SNRPN: variants seen among roughly 807,000 people sequenced by gnomAD.
The protein encoded by SNRPN is small nuclear ribonucleoprotein-associated protein N.
In SNRPN, 7 loss-of-function variants were observed where a neutral mutation model predicts 25.2. That is an observed-to-expected ratio of 0.28 (90% CI 0.16 to 0.52). SNRPN has a LOEUF of 0.52. Among genes scored for constraint, SNRPN ranks in the 20% least tolerant of loss-of-function variants. The pLI, the probability that SNRPN is intolerant of heterozygous loss-of-function variation, is 0.96. For synonymous variants in SNRPN, 124 were observed against 110.6 expected (o/e 1.12, Z -0.76); for missense variants, 196 against 322.5 (o/e 0.61, Z 3.00).
At chr15:24,898,355 C>T (rs1003570290) in intron 2 of SNRPN, among the ~76,000 whole-genome samples, 9 of 152,132 alleles carry the variant, frequency 5.9e-5, no homozygotes, top group Middle Eastern at 3.4e-3. Flanking sequence ...TTTGGGAGGC[C>T]GAGGCAGGCG....
At chr15:24,955,600 G>A (rs1161669252) in intron 1 of SNRPN, among the ~76,000 whole-genome samples, 1 of 147,514 alleles carries the variant, frequency 6.8e-6, no homozygotes, top group Non-Finnish European at 1.5e-5. Flanking sequence ...TACGTGGGGC[G>A]ACTGGGGGGG....
upstream of SNRPN, among the ~76,000 whole-genome samples, chr15:24,953,442 G>C (rs1043134050): frequency 2.6e-5 from 4 of 152,152 alleles, no homozygotes; most frequent in African/African-American, 9.7e-5. Flanking sequence ...TCCTGCCTCA[G>C]CCTCCCGAGT....
At chr15:24,913,359 A>C (rs2059329661) in intron 2 of SNRPN, among the ~76,000 whole-genome samples, 1 of 151,404 alleles carries the variant, frequency 6.6e-6, no homozygotes, top group Admixed American at 6.6e-5. Context: ...AAAGAGTATA[A>C]GGGCTGGGCA....
chr15:24,841,482 A>G (rs956120578), intron 2 of SNRPN, among the ~76,000 whole-genome samples: 4 of 152,152 alleles, frequency 2.6e-5, no homozygotes, highest in Admixed American at 6.5e-5. Flanking sequence ...TCATCCGTTT[A>G]ATTATTCTCC....
At chr15:24,859,743 G>A (rs2053814720) in intron 1 of SNRPN, among the ~76,000 whole-genome samples, 2 of 152,192 alleles carry the variant, frequency 1.3e-5, no homozygotes, top group Admixed American at 1.3e-4. Context: ...CCTGTGGGCT[G>A]CTGGATTCCC....
chr15:24,871,412 T>C (rs1294583479), intron 1 of SNRPN, among the ~76,000 whole-genome samples: 1 of 151,996 alleles, frequency 6.6e-6, no homozygotes, highest in Non-Finnish European at 1.5e-5. Flanking sequence ...CAGGGTGTCA[T>C]ATACATGGAA....
intron 3 of SNRPN, among the ~76,000 whole-genome samples, chr15:24,969,321 GT>G (rs1341134957): frequency 6.6e-6 from 1 of 152,006 alleles, no homozygotes; most frequent in Non-Finnish European, 1.5e-5. Flanking sequence ...TAGAGACGGG[GT>G]TTCACCATGT....
chr15:24,922,889 C>CGTT, intron 3 of SNRPN, among the ~76,000 whole-genome samples: 1 of 34,568 alleles, frequency 2.9e-5, no homozygotes, highest in Non-Finnish European at 4.9e-5. Flanking sequence ...GTAGGCAGAT[C>CGTT]CTTTTTTTTT....
chr15:24,861,522 A>G (rs1046160333), intron 1 of SNRPN, among the ~76,000 whole-genome samples: 7 of 152,198 alleles, frequency 4.6e-5, no homozygotes, highest in Non-Finnish European at 8.8e-5. Flanking sequence ...GTGAATGTGA[A>G]GACCTAGGAC....
intron 3 of SNRPN, among the ~76,000 whole-genome samples, chr15:24,973,011 C>G (rs1031856867): frequency 6.6e-6 from 1 of 151,884 alleles, no homozygotes; most frequent in Non-Finnish European, 1.5e-5. Flanking sequence ...CCTCAGCCTC[C>G]TGAGTAGCTG....
At chr15:24,829,138 T>C (rs1595331493) in intron 1 of SNRPN, among the ~76,000 whole-genome samples, 1 of 152,156 alleles carries the variant, frequency 6.6e-6, no homozygotes, top group East Asian at 1.9e-4. Flanking sequence ...TCTGTGTTGC[T>C]CTTTGTTCAC....
At chr15:24,876,609 T>A (rs1595622437) in intron 1 of SNRPN, among the ~76,000 whole-genome samples, 1 of 123,952 alleles carries the variant, frequency 8.1e-6, no homozygotes. Context: ...AGAGCGAGAC[T>A]CCATCTCAAA....
chr15:24,925,168 CTT>C (rs1255545945), intron 3 of SNRPN, among the ~76,000 whole-genome samples: 1 of 152,154 alleles, frequency 6.6e-6, no homozygotes, highest in Non-Finnish European at 1.5e-5. Context: ...ATTTCAACCT[CTT>C]TTAAGAAAAA....
In SNRPN at chr15:24,931,744, G is replaced by T. The variant is rs555662241; in HGVS notation, c.-391+11620G>T. Reference sequence around the variant, plus strand: ...TCCCAGCTACTCAGGGGGCTGAGGTGGGAGAATCCCTTGAACTTGAGGAGA... The same window carrying T: ...TCCCAGCTACTCAGGGGGCTGAGGTTGGAGAATCCCTTGAACTTGAGGAGA... On this transcript the variant is annotated intron_variant, in intron 3 of 11. Coordinates refer to the SNRPN transcript ENST00000400097. Among the ~76,000 whole-genome samples, 3 of 149,740 alleles carry T rather than the reference G, an allele frequency of 2.0e-5. No homozygotes were observed. The East Asian group carries it at 5.9e-4, about 30-fold the overall frequency.
At chr15:24,934,027 G>A (rs2061060042) in intron 3 of SNRPN, among the ~76,000 whole-genome samples, 1 of 152,126 alleles carries the variant, frequency 6.6e-6, no homozygotes, top group Non-Finnish European at 1.5e-5. Context: ...GCCAGGTGCG[G>A]TGGCTCACAC....
intron 1 of SNRPN, among the ~76,000 whole-genome samples, chr15:24,877,746 G>A (rs1595631827): frequency 6.6e-6 from 1 of 152,266 alleles, no homozygotes; most frequent in East Asian, 1.9e-4. Context: ...CAGCTACTCG[G>A]GAGGTTGGGG....
rs1394691032 is a variant in SNRPN at position 24,872,341 on chromosome 15, A to G, written c.-578-14175A>G. Among the ~76,000 whole-genome samples the G allele has an allele frequency of 2.6e-5, 3 of 117,218 alleles. 1 individual carries two copies. Among genetic ancestry groups the G allele is most frequent in the Non-Finnish European group, 5.6e-5 (3 of 53,210 alleles). 76.9% of individuals were successfully genotyped at this position (117,218 alleles called of 152,430 possible). A position where few individuals can be genotyped will look rare whatever the true frequency, so the allele number is the denominator to read the frequency against. On this transcript the variant is annotated intron_variant, in intron 1 of 11. Coordinates refer to the SNRPN transcript ENST00000400097. Reference sequence around the variant, plus strand: ...TGCCACCACACTAGGCTAATTTTGTATTTTTAGTAGAGACAGGGTTTCACC... The same window carrying G: ...TGCCACCACACTAGGCTAATTTTGTGTTTTTAGTAGAGACAGGGTTTCACC...
intron 2 of SNRPN, among the ~76,000 whole-genome samples, chr15:24,894,287 C>T (rs11161158): frequency 0.62 from 93,458 of 151,266 alleles, 28,909 homozygotes; most frequent in South Asian, 0.65. Context: ...GGTGTGATCT[C>T]GGCTCACTGC....
chr15:24,964,135 C>A (rs145336046), intron 2 of SNRPN, among the ~76,000 whole-genome samples: 1 of 151,666 alleles, frequency 6.6e-6, no homozygotes, highest in African/African-American at 2.4e-5. Context: ...CCGATTTTTA[C>A]TATAGTGAGT....
Sources: gnomAD v4.1 joint callset for allele counts (sites outside exome capture counted in the v4.1 genomes callset) on GRCh38, gnomAD v4.1.1 for gene constraint, MANE v1.5 for transcripts, NCBI Gene and HGNC (gene_info 2026-07-23, HGNC 2026-07-21) for gene names.